The following CHST11 variants were observed in gnomAD, a reference collection of about 807,000 sequenced individuals.
The protein encoded by CHST11 is C4S-1.
In CHST11, 9 loss-of-function variants were observed where a neutral mutation model predicts 30.4. That is an observed-to-expected ratio of 0.30 (90% CI 0.18 to 0.52). The LOEUF is 0.52. CHST11 is among the 20% of genes least tolerant of loss of function. CHST11 has a pLI of 0.97. For synonymous variants in CHST11, 152 were observed against 187.8 expected, an observed-to-expected ratio of 0.81 and a Z score of 1.56; for missense variants, 348 against 460.6, an observed-to-expected ratio of 0.76 and a Z score of 2.24.
At chr12:104,490,181 G>A (rs1267021343) in intron 1 of CHST11, among the ~76,000 whole-genome samples, 1 of 152,182 alleles carries the variant, frequency 6.6e-6, no homozygotes, top group African/African-American at 2.4e-5. Context: ...TGAAAGATGT[G>A]TGTCCTGGCC....
chr12:104,650,220 G>A (rs563227577), intron 2 of CHST11, among the ~76,000 whole-genome samples: 1 of 152,314 alleles, frequency 6.6e-6, no homozygotes, highest in East Asian at 1.9e-4. Context: ...TCCTGAAATG[G>A]AAAAGTGGAC....
intron 1 of CHST11, among the ~76,000 whole-genome samples, chr12:104,579,952 A>G (rs1168840468): frequency 6.6e-6 from 1 of 152,264 alleles, no homozygotes; most frequent in Non-Finnish European, 1.5e-5. Flanking sequence ...AGCTTTGGTC[A>G]TCAAGGAGCA....
At chr12:104,712,114 C>G (rs2040093271) in intron 2 of CHST11, among the ~76,000 whole-genome samples, 1 of 152,156 alleles carries the variant, frequency 6.6e-6, no homozygotes. Flanking sequence ...TCACACTTAT[C>G]AAGTGTTCAC....
intron 2 of CHST11, among the ~76,000 whole-genome samples, chr12:104,664,035 T>C (rs945425298): frequency 2.6e-5 from 4 of 152,202 alleles, no homozygotes; most frequent in Admixed American, 2.6e-4. Context: ...GGGACCTCCA[T>C]CTTATTTCTT....
intron 2 of CHST11, among the ~76,000 whole-genome samples, chr12:104,745,449 G>C (rs1245235501): frequency 2.6e-5 from 4 of 152,128 alleles, no homozygotes; most frequent in Non-Finnish European, 5.9e-5. Context: ...ATGAATTATA[G>C]AATACTTTTG....
chr12:104,524,211 G>A (rs2038101742), intron 1 of CHST11, among the ~76,000 whole-genome samples: 1 of 152,076 alleles, frequency 6.6e-6, no homozygotes, highest in South Asian at 2.1e-4. Context: ...ATAGGTTTTG[G>A]TGCCAACAGA....
At chr12:104,593,648 A>C (rs1427502605) in intron 1 of CHST11, among the ~76,000 whole-genome samples, 1 of 152,150 alleles carries the variant, frequency 6.6e-6, no homozygotes, top group Non-Finnish European at 1.5e-5. Flanking sequence ...GAGTGGGGGA[A>C]AGCATGCTGG....
At chr12:104,717,922 C>T (rs2040144257) in intron 2 of CHST11, among the ~76,000 whole-genome samples, 2 of 152,036 alleles carry the variant, frequency 1.3e-5, no homozygotes, top group South Asian at 2.1e-4. Context: ...TGCACTCCAG[C>T]CTGGGCGACA....
chr12:104,667,519 C>T (rs1386207910), intron 2 of CHST11, among the ~76,000 whole-genome samples: 1 of 152,166 alleles, frequency 6.6e-6, no homozygotes, highest in Non-Finnish European at 1.5e-5. Context: ...AGAATTTTGG[C>T]CGTCATTTGG....
intron 2 of CHST11, among the ~76,000 whole-genome samples, chr12:104,663,895 G>A (rs1241659823): frequency 6.6e-6 from 1 of 152,038 alleles, no homozygotes; most frequent in East Asian, 1.9e-4. Context: ...ATCCATCCAT[G>A]TATGGAGCAA....
chr12:104,660,662 CCTT>C (rs1239128812), intron 2 of CHST11, among the ~76,000 whole-genome samples: 13 of 152,160 alleles, frequency 8.5e-5, no homozygotes. Context: ...GAAGTGTACT[CCTT>C]CTATCCCAGG....
chr12:104,535,549 T>C (rs566159955), intron 1 of CHST11, among the ~76,000 whole-genome samples: 52 of 152,304 alleles, frequency 3.4e-4, no homozygotes, highest in Middle Eastern at 3.4e-3. Context: ...GTTGCTTACC[T>C]CAAGGAACAT....
chr12:104,520,823 C>T (rs977431805), intron 1 of CHST11, among the ~76,000 whole-genome samples: 5 of 152,210 alleles, frequency 3.3e-5, no homozygotes, highest in African/African-American at 9.6e-5. Context: ...AGACAGTCTG[C>T]AGCCAGTGGC....
At chr12:104,703,611 T>A (rs966699665) in intron 2 of CHST11, among the ~76,000 whole-genome samples, 1 of 152,142 alleles carries the variant, frequency 6.6e-6, no homozygotes, top group Non-Finnish European at 1.5e-5. Flanking sequence ...ACAGCGTAAG[T>A]CGGATCATGT....
In CHST11 at chr12:104,495,578, A is replaced by C. The variant is rs1261257762; in HGVS notation, c.118+38049A>C. Reference sequence around the variant, plus strand: ...TAAACAGTGTAGTTTTATTATTTATACTTCAGGTAACCAATACATAAATTA... The same window carrying C: ...TAAACAGTGTAGTTTTATTATTTATCCTTCAGGTAACCAATACATAAATTA... On this transcript the variant is annotated intron_variant, in intron 1 of 2. Transcript: ENST00000303694. 3.3e-5 allele frequency among the ~76,000 whole-genome samples: 5 copies of C among 152,160 alleles called. No individual in the cohort carries two copies. The East Asian group carries it at 9.6e-4, about 29-fold the overall frequency.
intron 1 of CHST11, chr12:104,588,828 A>G (rs966536718): frequency 6.6e-6 from 1 of 152,234 alleles, no homozygotes; most frequent in African/African-American, 2.4e-5. Flanking sequence ...TTAAAAAGCA[A>G]AACCGCAGCC....
At chr12:104,601,252 C>T (rs546763531) in intron 1 of CHST11, among the ~76,000 whole-genome samples, 1 of 152,284 alleles carries the variant, frequency 6.6e-6, no homozygotes, top group South Asian at 2.1e-4. Flanking sequence ...AAAAAGAGCT[C>T]TTGGTGGCTT....
intron 1 of CHST11, among the ~76,000 whole-genome samples, chr12:104,525,152 A>C (rs1357891794): frequency 6.7e-6 from 1 of 148,582 alleles, no homozygotes; most frequent in African/African-American, 2.5e-5. Flanking sequence ...ATAGGCTGGA[A>C]TGCAGTATCA....
At chr12:104,465,019 C>G (rs1462318456) in intron 1 of CHST11, among the ~76,000 whole-genome samples, 1 of 152,178 alleles carries the variant, frequency 6.6e-6, no homozygotes, top group Non-Finnish European at 1.5e-5. Flanking sequence ...CCGTGCTGCC[C>G]TTTAACGAGC....
Sources: gnomAD v4.1 joint callset for allele counts (sites outside exome capture counted in the v4.1 genomes callset) on GRCh38, gnomAD v4.1.1 for gene constraint, MANE v1.5 for transcripts, NCBI Gene and HGNC (gene_info 2026-07-23, HGNC 2026-07-21) for gene names.